ZNF33A: variants seen among roughly 807,000 people sequenced by gnomAD.
The protein encoded by ZNF33A is zinc finger protein 33A.
ZNF33A carries 9 observed loss-of-function variants against 15.9 expected under a neutral mutation model. That is an observed-to-expected ratio of 0.57 (90% CI 0.34 to 0.99). The LOEUF (loss-of-function observed/expected upper bound fraction) is 0.99. Ranked by LOEUF, ZNF33A falls within the 50% of genes least tolerant of loss-of-function variation. ZNF33A has a pLI of 0.02. For synonymous variants in ZNF33A, 294 were observed against 324.2 expected, an observed-to-expected ratio of 0.91 and a Z score of 1.00; for missense variants, 843 against 941.6, an observed-to-expected ratio of 0.90 and a Z score of 1.37.
At position 38,057,861 on chromosome 10, in the gene ZNF33A, T is replaced by C. The variant is rs1217182891; in HGVS notation, c.*1301T>C. The C allele has an allele frequency of 1.0e-6, 1 of 985,264 alleles. No individual in the cohort carries two copies. Among genetic ancestry groups the C allele is most frequent in the Non-Finnish European group, 1.2e-6 (1 of 829,944 alleles). The allele number at this position is 985,264 out of a possible 1,614,324, so 61.0% of individuals were successfully genotyped here. ...TACAGCCCAGGGCTGCCCAGGGCTG[T>C]TGGACTGTCATTTCAAGGCTCATTG... On this transcript the variant is annotated 3_prime_UTR_variant, in exon 5 of 5. Transcript: ENST00000432900.
chr10:38,048,396 A>G (rs777498822), intron 4 of ZNF33A, among the ~76,000 whole-genome samples: 1 of 152,266 alleles, frequency 6.6e-6, no homozygotes, highest in African/African-American at 2.4e-5. Context: ...TGGAAGATCC[A>G]TATATGTACT....
chr10:38,040,428 A>AT (rs541927907), intron 4 of ZNF33A, among the ~76,000 whole-genome samples: 38 of 151,942 alleles, frequency 2.5e-4, no homozygotes, highest in Middle Eastern at 3.4e-3. Flanking sequence ...AGACTTGTAT[A>AT]TTTTTTTCTT....
At chr10:38,031,179 A>G (rs2065194503) in intron 4 of ZNF33A, among the ~76,000 whole-genome samples, 2 of 152,376 alleles carry the variant, frequency 1.3e-5, no homozygotes, top group African/African-American at 4.8e-5. Flanking sequence ...CTTGGCTGAT[A>G]TTGAACTATA....
intron 4 of ZNF33A, among the ~76,000 whole-genome samples, chr10:38,044,888 G>A (rs2065885249): frequency 1.3e-5 from 2 of 151,992 alleles, no homozygotes; most frequent in African/African-American, 4.8e-5. Context: ...GGTTGATCTT[G>A]AACTCCTGAC....
At chr10:38,028,267 AAAAT>A (rs1451718774) in intron 4 of ZNF33A, among the ~76,000 whole-genome samples, 3 of 152,058 alleles carry the variant, frequency 2.0e-5, no homozygotes, top group South Asian at 2.1e-4. Context: ...GATCCTGTCT[AAAAT>A]AAATAAATAA....
rs753082228 is a variant in ZNF33A at position 38,017,005 on chromosome 10, T to A, written c.144T>A (p.Leu48=). 33 of 1,605,008 alleles carry A rather than the reference T, an allele frequency of 2.1e-5. No individual in the cohort carries two copies. The South Asian group carries it at 3.5e-4, about 17-fold the overall frequency. Residue 48 remains leucine (L), a synonymous_variant, in exon 3 of 5, where the codon CTT becomes CTA. Coordinates refer to ENST00000432900, the MANE Select transcript of ZNF33A (RefSeq NM_006954.2). The stretch of plus-strand genomic sequence containing the variant: ...TGATGCTGGAGAACTACAGCAACCT[T>A]GTCTCAGTGGGTAAGGTCTGTTCAC... ...RDVMLENYSN[L]VSVGYCVHKP... is the part of the protein sequence containing the mutation.
chr10:38,045,341 C>T (rs1301952693), intron 4 of ZNF33A, among the ~76,000 whole-genome samples: 1 of 152,138 alleles, frequency 6.6e-6, no homozygotes, highest in Non-Finnish European at 1.5e-5. Flanking sequence ...GTGTCTCTTT[C>T]TGTGATTGCT....
At chr10:38,042,487 A>G (rs993368095) in intron 4 of ZNF33A, among the ~76,000 whole-genome samples, 1 of 105,894 alleles carries the variant, frequency 9.4e-6, no homozygotes, top group Non-Finnish European at 2.0e-5. Flanking sequence ...CAGCCACTCT[A>G]TTTTTTTGCT....
chr10:38,026,487 A>G (rs2064996158), intron 4 of ZNF33A, among the ~76,000 whole-genome samples: 1 of 152,094 alleles, frequency 6.6e-6, no homozygotes, highest in South Asian at 2.1e-4. Context: ...GGCACATGCC[A>G]CCATGCCTGG....
At chr10:38,018,152 CTATATG>C (rs889543044) in intron 4 of ZNF33A, among the ~76,000 whole-genome samples, 9 of 152,080 alleles carry the variant, frequency 5.9e-5, no homozygotes, top group South Asian at 4.2e-4. Flanking sequence ...TTATGTATAC[CTATATG>C]TATATGTATA....
intron 4 of ZNF33A, among the ~76,000 whole-genome samples, chr10:38,038,699 A>G (rs978088102): frequency 2.0e-5 from 3 of 152,124 alleles, no homozygotes; most frequent in African/African-American, 4.8e-5. Context: ...ATTATTTAGT[A>G]TGATGTTAGT....
Position 38,010,799 on chromosome 10 carries a change from T to C in ZNF33A, c.-45+16T>C, listed in dbSNP as rs2064132428. The stretch of plus-strand genomic sequence containing the variant: ...AGGGAGTGGGGTAAGCCCCAGTGGG[T>C]TGGGCAGGGAGAGAGAGGGAGCCCC... On this transcript the variant is annotated intron_variant, in intron 1 of 4. Transcript: ENST00000432900. The C allele has an allele frequency of 1.9e-6, 3 of 1,598,040 alleles. No individual in the cohort carries two copies. Among genetic ancestry groups the C allele is most frequent in the Non-Finnish European group, 8.5e-7 (1 of 1,179,636 alleles).
chr10:38,036,256 G>A (rs752825664), intron 4 of ZNF33A, among the ~76,000 whole-genome samples: 7 of 152,074 alleles, frequency 4.6e-5, no homozygotes, highest in African/African-American at 1.2e-4. Context: ...CCTGGCCAAC[G>A]TGGTAAAACC....
At chr10:38,029,921 A>T (rs1590557715) in intron 4 of ZNF33A, among the ~76,000 whole-genome samples, 4 of 152,198 alleles carry the variant, frequency 2.6e-5, no homozygotes, top group Admixed American at 2.0e-4. Context: ...AGAAAGGGAA[A>T]GAAAAATTTT....
intron 4 of ZNF33A, among the ~76,000 whole-genome samples, chr10:38,050,225 G>A (rs1291623864): frequency 6.6e-6 from 1 of 152,172 alleles, no homozygotes; most frequent in Non-Finnish European, 1.5e-5. Flanking sequence ...ATAGACCGGT[G>A]TCCTTCATGA....
intron 4 of ZNF33A, among the ~76,000 whole-genome samples, chr10:38,033,660 G>A (rs1426476080): frequency 6.6e-6 from 1 of 151,162 alleles, no homozygotes; most frequent in Non-Finnish European, 1.5e-5. Flanking sequence ...TTGTAAAGAG[G>A]TATCTCATTG....
chr10:38,057,922 G>A lies in ZNF33A; in HGVS notation c.*1362G>A. 1.0e-6 allele frequency: 1 copy of A among 985,462 alleles called. No individual in the cohort carries two copies. The highest frequency in any genetic ancestry group is 1.2e-6 in the Non-Finnish European group (1 of 829,980). The allele number at this position is 985,462 out of a possible 1,614,324, so 61.0% of individuals were successfully genotyped here. ...GGGATCTGGGCCCTCAGACTTTTGA[G>A]AATATGAAGAGGAGGGTTGAGGCTG... On this transcript the variant is annotated 3_prime_UTR_variant, in exon 5 of 5. Coordinates refer to ENST00000432900, the MANE Select transcript of ZNF33A (RefSeq NM_006954.2).
intron 4 of ZNF33A, among the ~76,000 whole-genome samples, chr10:38,049,724 A>G (rs2066111064): frequency 6.6e-6 from 1 of 152,044 alleles, no homozygotes; most frequent in South Asian, 2.1e-4. Context: ...TCCATATAGT[A>G]GAAGAAGAAA....
chr10:38,028,034 C>G (rs2065055234), intron 4 of ZNF33A, among the ~76,000 whole-genome samples: 1 of 152,100 alleles, frequency 6.6e-6, no homozygotes, highest in African/African-American at 2.4e-5. Context: ...AATCCCAGCA[C>G]TTTGGGAGGA....
Sources: allele counts gnomAD v4.1 joint callset (sites outside exome capture counted in the v4.1 genomes callset), GRCh38; gene constraint gnomAD v4.1.1; transcripts MANE v1.5; gene names NCBI Gene and HGNC (gene_info 2026-07-23, HGNC 2026-07-21).